DCP1B: variants seen among roughly 807,000 people sequenced by gnomAD.
DCP1B encodes mRNA-decapping enzyme 1B.
A neutral mutation model predicts 60.5 loss-of-function variants in DCP1B; 47 were observed. The ratio of observed to expected loss-of-function variants is 0.78; its 90% confidence interval spans 0.61 to 0.99. DCP1B has a LOEUF of 0.99. Ranked by LOEUF, DCP1B falls within the 50% of genes least tolerant of loss-of-function variation. The pLI is 0.00. For synonymous variants in DCP1B, 267 were observed against 280.3 expected (o/e 0.95, Z 0.47); for missense variants, 725 against 756.8 (o/e 0.96, Z 0.49).
At chr12:1,946,845 G>A (rs2030446143) in intron 8 of DCP1B, among the ~76,000 whole-genome samples, 1 of 152,138 alleles carries the variant, frequency 6.6e-6, no homozygotes, top group South Asian at 2.1e-4. Context: ...GGCTACAGGT[G>A]CGTGCTACCA....
At chr12:1,954,613 C>T (rs1398211425) in intron 6 of DCP1B, among the ~76,000 whole-genome samples, 6 of 151,916 alleles carry the variant, frequency 3.9e-5, no homozygotes, top group African/African-American at 9.7e-5. Context: ...AGTGACAAGT[C>T]ATCATATCTG....
rs2031170292 is a variant in DCP1B at position 1,962,818 on chromosome 12, G to A, written c.522+2740C>T. Among the ~76,000 whole-genome samples, 1 of 152,080 alleles carries A rather than the reference G, an allele frequency of 6.6e-6. No individual in the cohort carries two copies. Among genetic ancestry groups the A allele is most frequent in the African/African-American group, 2.4e-5 (1 of 41,408 alleles). The stretch of plus-strand genomic sequence containing the variant: ...ATAGCCATTATTTAACACTCACCAT[G>A]TGCTAAGTACTTTGAAGACAATAAG... On this transcript the variant is annotated intron_variant, in intron 5 of 8. Transcript: ENST00000280665. The surrounding 1 kb of genome is among the most constrained non-coding windows in gnomAD (Gnocchi z 4.4).
intron 3 of DCP1B, among the ~76,000 whole-genome samples, chr12:1,969,421 A>C (rs901269448): frequency 1.3e-5 from 2 of 152,068 alleles, no homozygotes; most frequent in African/African-American, 4.8e-5. Context: ...GAAATCTTTT[A>C]TCTTACCTAC....
intron 2 of DCP1B, among the ~76,000 whole-genome samples, chr12:1,996,578 G>T (rs1425147105): frequency 7.9e-6 from 1 of 127,320 alleles, no homozygotes; most frequent in African/African-American, 3.0e-5. Flanking sequence ...GAATTGTCTT[G>T]GGCCACACAT....
intron 1 of DCP1B, among the ~76,000 whole-genome samples, chr12:2,001,729 T>C (rs1040268741): frequency 6.6e-6 from 1 of 152,246 alleles, no homozygotes; most frequent in African/African-American, 2.4e-5. Context: ...AAACTCTGAC[T>C]TATTTGGATA....
At position 1,962,451 on chromosome 12, in the gene DCP1B, G is replaced by A. The variant is rs976436025; in HGVS notation, c.522+3107C>T. On this transcript the variant is annotated intron_variant, in intron 5 of 8. Coordinates refer to ENST00000280665, the MANE Select transcript of DCP1B (RefSeq NM_152640.5). This position sits in a 1 kb window ranked among gnomAD's most constrained non-coding sequence, Gnocchi z 4.4. ...GGTATGTGTGTGTTGAGAGGAGGGA[G>A]GGAAAGAAAGGAAAATAATTTTTTT... Among the ~76,000 whole-genome samples the A allele has an allele frequency of 5.3e-5, 8 of 152,018 alleles. No individual in the cohort carries two copies. The highest frequency in any genetic ancestry group is 1.9e-4 in the African/African-American group (8 of 41,386).
At position 1,986,103 on chromosome 12, in the gene DCP1B, G is replaced by A. The variant is rs148740151; in HGVS notation, c.319+7161C>T. The stretch of plus-strand genomic sequence containing the variant: ...GCTGGGATTACAGGCGTGAGCCACT[G>A]CGCCCAGCCGTCAGTTCTATTTTCA... On this transcript the variant is annotated intron_variant, in intron 3 of 8. Coordinates refer to ENST00000280665, the MANE Select transcript of DCP1B (RefSeq NM_152640.5). Among the ~76,000 whole-genome samples, 9 of 152,356 alleles carry A rather than the reference G, an allele frequency of 5.9e-5. 1 individual carries two copies. The highest frequency in any genetic ancestry group is 9.6e-5 in the African/African-American group (4 of 41,590).
At chr12:1,973,133 T>G (rs2033074588) in intron 3 of DCP1B, among the ~76,000 whole-genome samples, 1 of 152,230 alleles carries the variant, frequency 6.6e-6, no homozygotes, top group South Asian at 2.1e-4. Flanking sequence ...ACGGACACAA[T>G]CTTGTAAAAC....
At chr12:1,956,723 C>T (rs146047682) in intron 5 of DCP1B, among the ~76,000 whole-genome samples, 2 of 152,338 alleles carry the variant, frequency 1.3e-5, no homozygotes, top group African/African-American at 4.8e-5. Flanking sequence ...TTTCCCAAGT[C>T]ATGGATAACC....
chr12:1,948,216 C>G lies in DCP1B; in HGVS notation c.1773+870G>C, dbSNP rs932366131. Among the ~76,000 whole-genome samples, 3 of 152,222 alleles carry G rather than the reference C, an allele frequency of 2.0e-5. No individual in the cohort carries two copies. Among genetic ancestry groups the G allele is most frequent in the Non-Finnish European group, 4.4e-5 (3 of 68,030 alleles). ...CCGTTGATTTCTTGGGTGTGCTTTGCTAGGGCACCTGTGCTGAATGTTCTC... is the reference window on the plus strand; with the variant it reads ...CCGTTGATTTCTTGGGTGTGCTTTGGTAGGGCACCTGTGCTGAATGTTCTC... On this transcript the variant is annotated intron_variant, in intron 8 of 8. Transcript: ENST00000280665. The surrounding 1 kb of genome is among the most constrained non-coding windows in gnomAD (Gnocchi z 4.8).
Position 1,946,113 on chromosome 12 carries a change from C to A in DCP1B, c.*93G>T. ...ACACATACTTTTTTTTTAAAAAAGGCAGAAACATTGAAGGAAACAACACTC... is the reference window on the plus strand; with the variant it reads ...ACACATACTTTTTTTTTAAAAAAGGAAGAAACATTGAAGGAAACAACACTC... On this transcript the variant is annotated 3_prime_UTR_variant, in exon 9 of 9. Transcript: ENST00000280665. 4 of 992,140 alleles carry A rather than the reference C, an allele frequency of 4.0e-6. No individual in the cohort carries two copies. The highest frequency in any genetic ancestry group is 2.2e-5 in the South Asian group (1 of 44,534). 61.5% of individuals were successfully genotyped at this position (992,140 alleles called of 1,614,324 possible). A position where few individuals can be genotyped will look rare whatever the true frequency, so the allele number is the denominator to read the frequency against.
Position 1,946,139 on chromosome 12 carries a change from A to T in DCP1B, c.*67T>A, listed in dbSNP as rs1264509736. The T allele has an allele frequency of 8.0e-7, 1 of 1,250,890 alleles. No homozygotes were observed. The highest frequency in any genetic ancestry group is 2.5e-5 in the East Asian group (1 of 40,140). 77.5% of individuals were successfully genotyped at this position (1,250,890 alleles called of 1,614,324 possible). On this transcript the variant is annotated 3_prime_UTR_variant, in exon 9 of 9. Coordinates refer to ENST00000280665, the MANE Select transcript of DCP1B (RefSeq NM_152640.5). ...AGAAACATTGAAGGAAACAACACTC[A>T]ACATGAAAGAACCTTGTGCCGGAGT... is the stretch of plus-strand genomic sequence containing the variant.
intron 2 of DCP1B, among the ~76,000 whole-genome samples, chr12:1,997,364 C>G (rs2041185301): frequency 6.6e-6 from 1 of 152,112 alleles, no homozygotes; most frequent in African/African-American, 2.4e-5. Context: ...TCCGTTGCTA[C>G]TAAAAATTAG....
At chr12:1,983,380 T>C (rs2036724125) in intron 3 of DCP1B, among the ~76,000 whole-genome samples, 1 of 152,068 alleles carries the variant, frequency 6.6e-6, no homozygotes, top group Admixed American at 6.5e-5. Context: ...TATTTGATGC[T>C]ATAAATTTCC....
At chr12:1,974,515 T>C (rs766563887) in intron 3 of DCP1B, among the ~76,000 whole-genome samples, 3 of 152,304 alleles carry the variant, frequency 2.0e-5, no homozygotes, top group South Asian at 2.1e-4. Context: ...CTCTACCATA[T>C]ACCATTCTTC....
At chr12:1,974,013 A>C (rs1046084161) in intron 3 of DCP1B, among the ~76,000 whole-genome samples, 2 of 152,188 alleles carry the variant, frequency 1.3e-5, no homozygotes, top group Non-Finnish European at 2.9e-5. Flanking sequence ...GTAGTAAAAA[A>C]GGTAATAAAT....
Position 1,971,216 on chromosome 12 carries a change from A to C in DCP1B, c.320-3306T>G, listed in dbSNP as rs1437981066. 7.9e-7 allele frequency: 1 copy of C among 1,270,808 alleles called. No individual in the cohort carries two copies. Among genetic ancestry groups the C allele is most frequent in the South Asian group, 1.2e-5 (1 of 80,342 alleles). 78.7% of individuals were successfully genotyped at this position (1,270,808 alleles called of 1,614,324 possible). ...CTCTCCTGGAGGTAAGAAACCCTAA[A>C]GTGAAATAAAGAGTAGGAAGAACAT... On this transcript the variant is annotated intron_variant, in intron 3 of 8. Coordinates refer to ENST00000280665, the MANE Select transcript of DCP1B (RefSeq NM_152640.5). The surrounding 1 kb of genome is among the most constrained non-coding windows in gnomAD (Gnocchi z 4.2).
downstream of DCP1B, among the ~76,000 whole-genome samples, chr12:1,941,608 T>C (rs1002565804): frequency 6.6e-6 from 1 of 152,214 alleles, no homozygotes; most frequent in African/African-American, 2.4e-5. Context: ...TTAGCCTTTT[T>C]GCACTGTTTT....
intron 3 of DCP1B, among the ~76,000 whole-genome samples, chr12:1,990,629 G>A (rs2039130490): frequency 6.6e-6 from 1 of 151,830 alleles, no homozygotes; most frequent in Non-Finnish European, 1.5e-5. Context: ...CCCAAATATG[G>A]CCTATGACAT....
Sources: gnomAD v4.1 joint callset for allele counts (sites outside exome capture counted in the v4.1 genomes callset) on GRCh38, gnomAD v4.1.1 for gene constraint, Gnocchi (gnomAD v3.1) non-coding constraint, MANE v1.5 for transcripts, NCBI Gene and HGNC (gene_info 2026-07-23, HGNC 2026-07-21) for gene names.